FRMD4B: variants seen among roughly 807,000 people sequenced by gnomAD.
FRMD4B encodes the protein FERM domain-containing protein 4B.
In FRMD4B, 74 loss-of-function variants were observed where a neutral mutation model predicts 141.5. That is an observed-to-expected ratio of 0.52 (90% CI 0.43 to 0.63). The LOEUF (loss-of-function observed/expected upper bound fraction) is 0.63, where lower values mean the gene tolerates loss of function less well. Ranked by LOEUF, FRMD4B falls within the 30% of genes least tolerant of loss-of-function variation. FRMD4B has a pLI of 0.00. For missense variants in FRMD4B, 1,366 were observed against 1,253.4 expected, an observed-to-expected ratio of 1.09 and a Z score of -1.36; for synonymous variants, 506 against 467.9, an observed-to-expected ratio of 1.08 and a Z score of -1.05.
chr3:69,529,757 A>G (rs1575602114), intron 1 of FRMD4B, among the ~76,000 whole-genome samples: 1 of 152,224 alleles, frequency 6.6e-6, no homozygotes, highest in East Asian at 1.9e-4. Flanking sequence ...TTTACAAATA[A>G]TTACTTTCAT....
At chr3:69,289,815 CAA>C (rs530822843) in intron 4 of FRMD4B, among the ~76,000 whole-genome samples, 1 of 151,566 alleles carries the variant, frequency 6.6e-6, no homozygotes, top group Non-Finnish European at 1.5e-5. Flanking sequence ...TAAAACAAAA[CAA>C]AAAAAACCCA....
chr3:69,305,126 C>T (rs1280520651), intron 3 of FRMD4B, among the ~76,000 whole-genome samples: 4 of 152,160 alleles, frequency 2.6e-5, no homozygotes, highest in Admixed American at 2.6e-4. Flanking sequence ...TTCTTCTTCC[C>T]TCCACCCACC....
At chr3:69,279,779 C>T (rs2093636155) in intron 5 of FRMD4B, among the ~76,000 whole-genome samples, 1 of 104,204 alleles carries the variant, frequency 9.6e-6, no homozygotes, top group Non-Finnish European at 1.9e-5. Flanking sequence ...CTCCCCTCCT[C>T]CTCTCCTCCT....
chr3:69,291,315 C>G (rs1235094612), intron 4 of FRMD4B, among the ~76,000 whole-genome samples: 1 of 152,168 alleles, frequency 6.6e-6, no homozygotes, highest in Non-Finnish European at 1.5e-5. Flanking sequence ...AATGAATTTT[C>G]ACACACAACA....
At chr3:69,290,805 C>T (rs922505464) in intron 4 of FRMD4B, among the ~76,000 whole-genome samples, 1 of 152,118 alleles carries the variant, frequency 6.6e-6, no homozygotes, top group Admixed American at 6.6e-5. Flanking sequence ...GATCTGCCTA[C>T]CTGGTGGGGC....
At chr3:69,374,193 C>A (rs1703907356) in intron 1 of FRMD4B, among the ~76,000 whole-genome samples, 1 of 152,150 alleles carries the variant, frequency 6.6e-6, no homozygotes, top group African/African-American at 2.4e-5. Context: ...TCAATGTTAT[C>A]TTTAACCTTT....
chr3:69,334,827 C>T (rs761003528), intron 1 of FRMD4B, among the ~76,000 whole-genome samples: 2 of 152,190 alleles, frequency 1.3e-5, no homozygotes, highest in African/African-American at 4.8e-5. Context: ...GGGGACTCAA[C>T]AGTGACACAA....
chr3:69,324,165 T>C (rs895394926), intron 1 of FRMD4B, among the ~76,000 whole-genome samples: 1 of 152,206 alleles, frequency 6.6e-6, no homozygotes, highest in African/African-American at 2.4e-5. Context: ...TCTCCACCTG[T>C]TGGGATGCTT....
At chr3:69,425,894 A>C (rs1296950729) in intron 2 of FRMD4B, among the ~76,000 whole-genome samples, 1 of 152,218 alleles carries the variant, frequency 6.6e-6, no homozygotes, top group East Asian at 1.9e-4. Context: ...ACTACACTAT[A>C]TTACCCTCTT....
At chr3:69,451,071 C>T (rs1459932828) in intron 1 of FRMD4B, among the ~76,000 whole-genome samples, 1 of 152,108 alleles carries the variant, frequency 6.6e-6, no homozygotes, top group Admixed American at 6.5e-5. Context: ...AATGTGGCTC[C>T]CTCCTTCCAC....
At chr3:69,442,500 C>G (rs1705357474) in intron 1 of FRMD4B, among the ~76,000 whole-genome samples, 1 of 152,124 alleles carries the variant, frequency 6.6e-6, no homozygotes, top group African/African-American at 2.4e-5. Context: ...GTGGGGCCTT[C>G]ATTTTCAACA....
rs548575821 is a variant in FRMD4B at position 69,373,561 on chromosome 3, T to C, written c.162+12267A>G. 1.5e-3 allele frequency among the ~76,000 whole-genome samples: 234 copies of C among 152,266 alleles called. 1 individual carries two copies. Among genetic ancestry groups the C allele is most frequent in the African/African-American group, 5.3e-3 (222 of 41,554 alleles). On this transcript the variant is annotated intron_variant, in intron 1 of 22. Coordinates refer to ENST00000398540, the MANE Select transcript of FRMD4B (RefSeq NM_015123.3). The stretch of plus-strand genomic sequence containing the variant: ...AATGCTCAGCACTGTGTCTGACATA[T>C]AGAGAAATGTTTATTAAATAAATAT...
intron 2 of FRMD4B, among the ~76,000 whole-genome samples, chr3:69,417,421 G>A (rs2025424239): frequency 6.6e-6 from 1 of 152,120 alleles, no homozygotes; most frequent in African/African-American, 2.4e-5. Flanking sequence ...GTAAATTTAA[G>A]TTCTTTGTAG....
At chr3:69,180,386 C>T (rs1320504234) in intron 21 of FRMD4B, among the ~76,000 whole-genome samples, 1 of 151,914 alleles carries the variant, frequency 6.6e-6, no homozygotes, top group Non-Finnish European at 1.5e-5. Flanking sequence ...TCAAAGCAGT[C>T]CTTAGATGAT....
At chr3:69,313,757 T>G (rs1483894) in intron 1 of FRMD4B, among the ~76,000 whole-genome samples, 151,003 of 152,260 alleles carry the variant, frequency 0.99, 74,897 homozygotes, top group East Asian at 1. Context: ...AGTCCACCAA[T>G]TTCAAACAAT....
At chr3:69,241,591 G>A (rs1575648006) in intron 7 of FRMD4B, among the ~76,000 whole-genome samples, 2 of 136,962 alleles carry the variant, frequency 1.5e-5, no homozygotes, top group East Asian at 4.5e-4. Flanking sequence ...ACAAATTTGT[G>A]TTGGGATACA....
intron 1 of FRMD4B, chr3:69,472,325 G>C (rs1340933000): frequency 4.3e-6 from 2 of 464,692 alleles, no homozygotes; most frequent in Non-Finnish European, 8.6e-6. Flanking sequence ...GCATATTACA[G>C]ATGCAACTCC....
chr3:69,375,614 GAATGAACA>G (rs1559836944), intron 1 of FRMD4B, among the ~76,000 whole-genome samples: 3 of 151,328 alleles, frequency 2.0e-5, no homozygotes, highest in South Asian at 4.2e-4. Context: ...TTTTTTGAGT[GAATGAACA>G]AATGAACAAA....
intron 2 of FRMD4B, among the ~76,000 whole-genome samples, chr3:69,429,773 T>A (rs1309414696): frequency 3.9e-5 from 4 of 103,240 alleles, no homozygotes; most frequent in East Asian, 6.7e-4. Flanking sequence ...TTTTTTTTTT[T>A]GAGGCGGAGT....
Sources: allele counts gnomAD v4.1 joint callset (sites outside exome capture counted in the v4.1 genomes callset), GRCh38; gene constraint gnomAD v4.1.1; transcripts MANE v1.5; gene names NCBI Gene and HGNC (gene_info 2026-07-23, HGNC 2026-07-21).